The following MMAB variants were observed in gnomAD, a reference collection of about 807,000 sequenced individuals.
The protein encoded by MMAB is corrinoid adenosyltransferase MMAB.
A neutral mutation model predicts 30.6 loss-of-function variants in MMAB; 17 were observed. That is an observed-to-expected ratio of 0.56 (90% confidence interval 0.38 to 0.83). MMAB has a LOEUF of 0.83. Ranked by LOEUF, MMAB falls within the 40% of genes least tolerant of loss-of-function variation. The probability of loss-of-function intolerance (pLI) is 0.00; values close to 1 mark genes in which losing one functional copy is unlikely to be tolerated. For missense variants in MMAB, 311 were observed against 331.6 expected (o/e 0.94, Z 0.48); for synonymous variants, 134 against 138.6 (o/e 0.97, Z 0.23).
rs896742047 is a variant in MMAB, at chr12:109,561,862, G to A, written c.349-10C>T. ...GCAATGTGCACTGGATCTGGGGGGCGACAGAAAGTGACAGTCAAGATCTAT... is the reference window on the plus strand; with the variant it reads ...GCAATGTGCACTGGATCTGGGGGGCAACAGAAAGTGACAGTCAAGATCTAT... On this transcript the variant is annotated splice_polypyrimidine_tract_variant and intron_variant, in intron 4 of 8. Coordinates refer to ENST00000545712, the MANE Select transcript of MMAB (RefSeq NM_052845.4). This position sits in a 1 kb window ranked among gnomAD's most constrained non-coding sequence, Gnocchi z 5.3. 12 of 1,594,352 alleles carry A rather than the reference G, an allele frequency of 7.5e-6. No homozygotes were observed. The highest frequency in any genetic ancestry group is 3.4e-5 in the South Asian group (3 of 88,414).
At position 109,567,156 on chromosome 12, in the gene MMAB, G is replaced by A. The variant is rs770690193; in HGVS notation, c.290+1614C>T. The A allele has an allele frequency of 1.1e-4, 40 of 380,756 alleles. 2 individuals are homozygous for A. Among genetic ancestry groups the A allele is most frequent in the South Asian group, 7.6e-4 (40 of 52,482 alleles). The allele number at this position is 380,756 out of a possible 1,614,324, so 23.6% of individuals were successfully genotyped here. On this transcript the variant is annotated intron_variant, in intron 3 of 8. Transcript: ENST00000545712. ...TTGCACTCCAGTCTGGGCAACAAGC[G>A]CGAAACTCCGTCTCGGAAAAAAAAA...
At position 109,555,450 on chromosome 12, in the gene MMAB, T is replaced by C. The variant is rs1282624335; in HGVS notation, c.*1578A>G. On this transcript the variant is annotated 3_prime_UTR_variant, in exon 9 of 9. Transcript: ENST00000545712. ...GGCACCCGCCACCATGCCCAGCTAA[T>C]TTTTTTTTTTTTTTTTTTTTTTTAG... 3.4e-4 allele frequency: 4 copies of C among 11,804 alleles called. No homozygotes were observed. In the East Asian group the frequency reaches 3.6e-3, roughly 11 times the overall value. The allele number at this position is 11,804 out of a possible 1,614,324, so 0.7% of individuals were successfully genotyped here.
At position 109,573,454 on chromosome 12, in the gene MMAB, A is replaced by G. The variant is rs1311011214; in HGVS notation, c.27T>C (p.Arg9=). 6.2e-7 allele frequency: 1 copy of G among 1,606,992 alleles called. No individual in the cohort carries two copies. Among genetic ancestry groups the G allele is most frequent in the Admixed American group, 1.7e-5 (1 of 59,700 alleles). Residue 9 remains arginine (R), a synonymous_variant, in exon 1 of 9, where the codon CGT becomes CGC. Coordinates refer to ENST00000545712, the MANE Select transcript of MMAB (RefSeq NM_052845.4). ...GGCCAAGACGGCTCCCCAGGCCAAGACGGCTCCCCAGGCCGCACACAGCCA... is the reference window on the plus strand; with the variant it reads ...GGCCAAGACGGCTCCCCAGGCCAAGGCGGCTCCCCAGGCCGCACACAGCCA... MAVCGLGS[R]LGLGSRLGLR... is the part of the protein sequence containing the mutation.
chr12:109,573,129 T>C (rs1884715325), intron 1 of MMAB: 1 of 638,156 alleles, frequency 1.6e-6, no homozygotes, highest in South Asian at 1.8e-5. Context: ...GGATATGCCC[T>C]GCCCTGCCCG....
chr12:109,566,371 C>A (rs559142971), intron 3 of MMAB, among the ~76,000 whole-genome samples: 6 of 152,264 alleles, frequency 3.9e-5, no homozygotes, highest in Non-Finnish European at 8.8e-5. Context: ...ATCTTCCTGG[C>A]ACATCTTACA....
chr12:109,570,142 A>G, intron 2 of MMAB: 1 of 270,494 alleles, frequency 3.7e-6, no homozygotes, highest in South Asian at 2.8e-5. Flanking sequence ...GCATGCCTGT[A>G]GTCCCAGCTA....
In MMAB at chr12:109,569,987, G is replaced by A. The variant is rs2136209372; in HGVS notation, c.197-1124C>T. On this transcript the variant is annotated intron_variant, in intron 2 of 8. Coordinates refer to ENST00000545712, the MANE Select transcript of MMAB (RefSeq NM_052845.4). This position sits in a 1 kb window ranked among gnomAD's most constrained non-coding sequence, Gnocchi z 4.1. Reference sequence around the variant, plus strand: ...ATTAACATACCCAATTACAGGCCAGGTGCAGTGGCTCACACTGTAATCCCA... The same window carrying A: ...ATTAACATACCCAATTACAGGCCAGATGCAGTGGCTCACACTGTAATCCCA... 5 of 182,516 alleles carry A rather than the reference G, an allele frequency of 2.7e-5. No individual in the cohort carries two copies. Among genetic ancestry groups the A allele is most frequent in the South Asian group, 2.6e-4 (4 of 15,332 alleles). 11.3% of individuals were successfully genotyped at this position (182,516 alleles called of 1,614,324 possible). A position where few individuals can be genotyped will look rare whatever the true frequency, so the allele number is the denominator to read the frequency against.
intron 3 of MMAB, 167 bp downstream of exon 3, chr12:109,568,603 C>T: frequency 2.8e-6 from 2 of 704,814 alleles, no homozygotes; most frequent in Non-Finnish European, 5.2e-6. Context: ...GTCTGCAGCC[C>T]CACAGCCTTG....
rs67024670 is a variant in MMAB at position 109,556,648 on chromosome 12, T to TCACACACA, written c.*372_*379dup. ...GAGCTGGCAGTGGGAGGGCTCTCTC[T>TCACACACA]CACACACACACACACACACACACAC... On this transcript the variant is annotated 3_prime_UTR_variant, in exon 9 of 9. Transcript: ENST00000545712. 2.0e-3 allele frequency: 647 copies of TCACACACA among 328,300 alleles called. No homozygotes were observed. The highest frequency in any genetic ancestry group is 5.3e-3 in the East Asian group (64 of 12,162). The allele number at this position is 328,300 out of a possible 1,614,324, so 20.3% of individuals were successfully genotyped here. A position where few individuals can be genotyped will look rare whatever the true frequency, so the allele number is the denominator to read the frequency against.
chr12:109,561,085 G>A lies in MMAB; in HGVS notation c.539C>T (p.Ser180Leu), dbSNP rs368584846. The A allele has an allele frequency of 2.6e-5, 41 of 1,603,102 alleles. No homozygotes were observed. Among genetic ancestry groups the A allele is most frequent in the African/African-American group, 5.4e-5 (4 of 74,440 alleles). ...CACGGCCCGGCAGAAATGCAGCGCC[G>A]AGCTGATCTTGCCTCCCGACTGAAA... ...FILPSGGKIS[S>L]ALHFCRAVCR... is the part of the protein sequence containing the mutation. Residue 180 changes from serine (S) to leucine (L), a missense_variant, in exon 7 of 9, where the codon TCG becomes TTG. Ser to Leu is a moderately radical substitution (Grantham distance 145). Transcript: ENST00000545712. The surrounding 1 kb of genome is among the most constrained non-coding windows in gnomAD (Gnocchi z 5.3).
chr12:109,554,310 T>A lies in MMAB; in HGVS notation c.*2718A>T. 4.4e-6 allele frequency: 2 copies of A among 454,052 alleles called. No homozygotes were observed. Among genetic ancestry groups the A allele is most frequent in the Non-Finnish European group, 8.8e-6 (2 of 226,772 alleles). 28.1% of individuals were successfully genotyped at this position (454,052 alleles called of 1,614,324 possible). On this transcript the variant is annotated 3_prime_UTR_variant, in exon 9 of 9. Coordinates refer to ENST00000545712, the MANE Select transcript of MMAB (RefSeq NM_052845.4). The stretch of plus-strand genomic sequence containing the variant: ...GTGCGGGCTGGTGTCACTGTGACTG[T>A]GGGCTTCTCTCTGACACAAGAGCCA...
rs140204601 is a variant in MMAB at position 109,571,747 on chromosome 12, G to GA, written c.135-38dup. 4,938 of 1,586,300 alleles carry GA rather than the reference G, an allele frequency of 3.1e-3. 152 individuals are homozygous for GA. The East Asian group carries it at 0.059, about 19-fold the overall frequency. On this transcript the variant is annotated intron_variant, in intron 1 of 8. Coordinates refer to ENST00000545712, the MANE Select transcript of MMAB (RefSeq NM_052845.4). ...TAAACATCAGTATCTGGTGAGTGGG[G>GA]ATGGCTTACACAGAGGGTCAGCTCC...
chr12:109,559,660 T>C (rs1392441420), intron 7 of MMAB, among the ~76,000 whole-genome samples: 2 of 152,248 alleles, frequency 1.3e-5, no homozygotes, highest in Admixed American at 6.5e-5. Context: ...GCCAGTCTAT[T>C]TGCAGATACA....
intron 2 of MMAB, chr12:109,570,136 G>A: frequency 3.4e-6 from 1 of 292,958 alleles, no homozygotes; most frequent in South Asian, 2.5e-5. Flanking sequence ...GGTGATGCAT[G>A]CCTGTAGTCC....
chr12:109,568,921 T>G, intron 2 of MMAB, 58 bp from the exon 3 acceptor site: 6 of 1,149,030 alleles, frequency 5.2e-6, no homozygotes, highest in Non-Finnish European at 7.8e-6. Flanking sequence ...GATATGCTGT[T>G]TTTTTTTTTT....
At position 109,561,363 on chromosome 12, in the gene MMAB, G is replaced by A; in HGVS notation, c.519+57C>T. On this transcript the variant is annotated intron_variant, in intron 6 of 8. Transcript: ENST00000545712. This position sits in a 1 kb window ranked among gnomAD's most constrained non-coding sequence, Gnocchi z 5.3. ...AGAGGGATTTATTCAGAGCCCATGT[G>A]TGTCTGTCACTGAACCTGCCTGCAG... The A allele has an allele frequency of 6.5e-7, 1 of 1,542,874 alleles. No individual in the cohort carries two copies. Among genetic ancestry groups the A allele is most frequent in the Non-Finnish European group, 8.7e-7 (1 of 1,144,322 alleles).
At chr12:109,568,631 T>C (rs1351364685) in intron 3 of MMAB, 139 bp downstream of exon 3, 2 of 761,482 alleles carry the variant, frequency 2.6e-6, no homozygotes, top group Non-Finnish European at 4.8e-6. Context: ...GACCAGCCTG[T>C]GCTTCAGGGC....
At chr12:109,560,149 A>T (rs1400589350) in intron 7 of MMAB, among the ~76,000 whole-genome samples, 4 of 152,310 alleles carry the variant, frequency 2.6e-5, no homozygotes, top group African/African-American at 9.6e-5. Flanking sequence ...GTTACCTGGG[A>T]TCTCTAAGGA....
chr12:109,571,405 C>G (rs980492957), intron 2 of MMAB, among the ~76,000 whole-genome samples: 1 of 152,120 alleles, frequency 6.6e-6, no homozygotes, highest in Non-Finnish European at 1.5e-5. Context: ...GCATGGACCA[C>G]CATACTCAGC....
Sources: gnomAD v4.1 joint callset for allele counts (sites outside exome capture counted in the v4.1 genomes callset) on GRCh38, gnomAD v4.1.1 for gene constraint, Gnocchi (gnomAD v3.1) non-coding constraint, MANE v1.5 for transcripts, NCBI Gene and HGNC (gene_info 2026-07-23, HGNC 2026-07-21) for gene names.